RTN1: variants seen among roughly 807,000 people sequenced by gnomAD.
RTN1 encodes the protein reticulon 1, also known as reticulon-1.
A neutral mutation model predicts 65.5 loss-of-function variants in RTN1; 25 were observed. That is an observed-to-expected ratio of 0.38 (90% CI 0.28 to 0.53). The LOEUF (loss-of-function observed/expected upper bound fraction) is 0.53. Ranked by LOEUF, RTN1 falls within the 20% of genes least tolerant of loss-of-function variation. The pLI, the probability that RTN1 is intolerant of heterozygous loss-of-function variation, is 0.79. For synonymous variants in RTN1, 471 were observed against 447.6 expected (o/e 1.05, Z -0.66); for missense variants, 983 against 1,025.4 (o/e 0.96, Z 0.57).
Position 59,870,313 on chromosome 14 carries a change from G to C in RTN1, c.241+77C>G. ...CAGAAAGCGCGAGGCAGGTGCCCAGGAGAGCCGCGCAGAAGGGGACTGACT... is the reference window on the plus strand; with the variant it reads ...CAGAAAGCGCGAGGCAGGTGCCCAGCAGAGCCGCGCAGAAGGGGACTGACT... On this transcript the variant is annotated intron_variant, in intron 1 of 8. Transcript: ENST00000267484. This position sits in a 1 kb window ranked among gnomAD's most constrained non-coding sequence, Gnocchi z 5.1. 1 of 1,340,962 alleles carries C rather than the reference G, an allele frequency of 7.5e-7. No homozygotes were observed. The highest frequency in any genetic ancestry group is 9.6e-7 in the Non-Finnish European group (1 of 1,045,206). The allele number at this position is 1,340,962 out of a possible 1,614,324, so 83.1% of individuals were successfully genotyped here.
chr14:59,622,974 G>C (rs2140178035), intron 3 of RTN1, among the ~76,000 whole-genome samples: 1 of 152,296 alleles, frequency 6.6e-6, no homozygotes, highest in East Asian at 1.9e-4. Flanking sequence ...TAATTCTGTG[G>C]ATGTTTTGAA....
At chr14:59,815,747 C>T (rs1402923734) in intron 1 of RTN1, among the ~76,000 whole-genome samples, 1 of 152,158 alleles carries the variant, frequency 6.6e-6, no homozygotes, top group Non-Finnish European at 1.5e-5. Flanking sequence ...ACACTCCTCC[C>T]TTCCCAACTC....
Position 59,781,966 on chromosome 14 carries a change from C to T in RTN1, c.242-35485G>A, listed in dbSNP as rs76622773. On this transcript the variant is annotated intron_variant, in intron 1 of 8. Coordinates refer to ENST00000267484, the MANE Select transcript of RTN1 (RefSeq NM_021136.3). ...ATATGTTGAAATCCTAATTCCCAAG[C>T]GATGGTATGAGGAGGTAGGGCCTTT... Among the ~76,000 whole-genome samples the T allele has an allele frequency of 3.4e-3, 514 of 152,122 alleles. 18 individuals carry two copies. The East Asian group carries it at 0.056, about 17-fold the overall frequency.
chr14:59,682,027 A>T (rs1038387497), intron 3 of RTN1, among the ~76,000 whole-genome samples: 3 of 152,158 alleles, frequency 2.0e-5, no homozygotes, highest in African/African-American at 7.2e-5. Flanking sequence ...AAATCTGATC[A>T]TGGTGCTACC....
chr14:59,766,086 C>T lies in RTN1; in HGVS notation c.242-19605G>A, dbSNP rs141187629. On this transcript the variant is annotated intron_variant, in intron 1 of 8. Coordinates refer to ENST00000267484, the MANE Select transcript of RTN1 (RefSeq NM_021136.3). The surrounding 1 kb of genome is among the most constrained non-coding windows in gnomAD (Gnocchi z 4.4). ...CTCTACTAAAAATACAAAAATTAGT[C>T]GGGCTTGGTGGTACACACTTGTAGT... 2.3e-4 allele frequency among the ~76,000 whole-genome samples: 35 copies of T among 152,172 alleles called. No homozygotes were observed. The highest frequency in any genetic ancestry group is 7.2e-4 in the African/African-American group (30 of 41,516).
chr14:59,724,963 C>T (rs779249911), intron 3 of RTN1, among the ~76,000 whole-genome samples: 41 of 152,256 alleles, frequency 2.7e-4, no homozygotes, highest in Non-Finnish European at 5.0e-4. Flanking sequence ...AGGACCCCTC[C>T]GTGCAGAAGA....
chr14:59,806,903 T>C (rs576791461), intron 1 of RTN1, among the ~76,000 whole-genome samples: 3 of 152,332 alleles, frequency 2.0e-5, no homozygotes, highest in African/African-American at 7.2e-5. Flanking sequence ...GTCTTTGCTA[T>C]TGCAAATAGT....
At chr14:59,841,083 C>T (rs1303521815) in intron 1 of RTN1, among the ~76,000 whole-genome samples, 1 of 152,116 alleles carries the variant, frequency 6.6e-6, no homozygotes, top group African/African-American at 2.4e-5. Context: ...ATAATATATA[C>T]CTCATAAGCA....
intron 3 of RTN1, among the ~76,000 whole-genome samples, chr14:59,712,809 G>A (rs940503337): frequency 6.6e-6 from 1 of 151,654 alleles, no homozygotes; most frequent in Non-Finnish European, 1.5e-5. Flanking sequence ...TACTTGGGAG[G>A]CTAAGGCAGG....
chr14:59,784,533 A>G (rs1886217942), intron 1 of RTN1, among the ~76,000 whole-genome samples: 1 of 152,180 alleles, frequency 6.6e-6, no homozygotes, highest in African/African-American at 2.4e-5. Flanking sequence ...TATGTGGTCA[A>G]ATCTACAGAT....
At chr14:59,640,986 G>T (rs1477497589) in intron 3 of RTN1, among the ~76,000 whole-genome samples, 1 of 151,968 alleles carries the variant, frequency 6.6e-6, no homozygotes, top group East Asian at 1.9e-4. Context: ...TCTGAGACAG[G>T]GTCTTGCCCT....
intron 2 of RTN1, among the ~76,000 whole-genome samples, chr14:59,735,377 A>G (rs1482433797): frequency 1.3e-5 from 2 of 152,216 alleles, no homozygotes; most frequent in African/African-American, 4.8e-5. Flanking sequence ...AATCAAACCC[A>G]CACATAACAA....
intron 1 of RTN1, among the ~76,000 whole-genome samples, chr14:59,792,554 T>G (rs1886367699): frequency 6.6e-6 from 1 of 152,108 alleles, no homozygotes; most frequent in African/African-American, 2.4e-5. Flanking sequence ...TCATCAGGGA[T>G]TTAAAGGAGG....
At chr14:59,611,218 C>T (rs1328322745) in intron 3 of RTN1, among the ~76,000 whole-genome samples, 3 of 152,184 alleles carry the variant, frequency 2.0e-5, no homozygotes, top group Non-Finnish European at 4.4e-5. Context: ...GGGGGCTCAT[C>T]CAGGATTGCC....
chr14:59,764,880 C>G (rs1298810563), intron 1 of RTN1, among the ~76,000 whole-genome samples: 3 of 152,090 alleles, frequency 2.0e-5, no homozygotes, highest in Admixed American at 1.3e-4. Context: ...TTTTAACAGT[C>G]AGTATTCCAT....
chr14:59,672,554 AT>A (rs1196344245), intron 3 of RTN1, among the ~76,000 whole-genome samples: 2 of 150,108 alleles, frequency 1.3e-5, no homozygotes, highest in East Asian at 4.0e-4. Flanking sequence ...GTTTTATTAG[AT>A]GATGGTTATT....
At chr14:59,787,468 C>G (rs1264363734) in intron 1 of RTN1, among the ~76,000 whole-genome samples, 1 of 152,182 alleles carries the variant, frequency 6.6e-6, no homozygotes, top group Non-Finnish European at 1.5e-5. Flanking sequence ...TCTCTCCTCC[C>G]CCTTGGTCAG....
At chr14:59,817,603 C>T (rs569553412) in intron 1 of RTN1, among the ~76,000 whole-genome samples, 18 of 151,324 alleles carry the variant, frequency 1.2e-4, no homozygotes, top group Admixed American at 9.2e-4. Flanking sequence ...CTAAAGCATC[C>T]ATCTATCTAC....
chr14:59,709,975 C>T (rs1026974149), intron 3 of RTN1, among the ~76,000 whole-genome samples: 2 of 142,576 alleles, frequency 1.4e-5, no homozygotes, highest in Admixed American at 7.0e-5. Context: ...TTATTTCCCT[C>T]CCTCCCTCCC....
Sources: gnomAD v4.1 joint callset for allele counts (sites outside exome capture counted in the v4.1 genomes callset) on GRCh38, gnomAD v4.1.1 for gene constraint, Gnocchi (gnomAD v3.1) non-coding constraint, MANE v1.5 for transcripts, NCBI Gene and HGNC (gene_info 2026-07-23, HGNC 2026-07-21) for gene names.